The following NKAIN2 variants were observed in gnomAD, a reference collection of about 807,000 sequenced individuals.
The protein encoded by NKAIN2 is sodium/potassium-transporting ATPase subunit beta-1-interacting protein 2.
A neutral mutation model predicts 32.6 loss-of-function variants in NKAIN2; 14 were observed. The ratio of observed to expected loss-of-function variants is 0.43; its 90% confidence interval spans 0.28 to 0.67. The LOEUF is 0.67. NKAIN2 is among the 30% of genes least tolerant of loss of function. The probability of loss-of-function intolerance (pLI) is 0.17; values close to 1 mark genes in which losing one functional copy is unlikely to be tolerated. For synonymous variants in NKAIN2, 80 were observed against 87.2 expected, an observed-to-expected ratio of 0.92 and a Z score of 0.46; for missense variants, 198 against 258.3, an observed-to-expected ratio of 0.77 and a Z score of 1.60.
At position 124,228,831 on chromosome 6, in the gene NKAIN2, TGCAAA is replaced by T. The variant is rs976723016; in HGVS notation, c.55-54169_55-54165del. ...TTAAATGGTGCTTCAAAATTGTCAA[TGCAAA>T]GCAATGTATACCAGATATACTTTCA... is the stretch of plus-strand genomic sequence containing the variant. On this transcript the variant is annotated intron_variant, in intron 1 of 6. Coordinates refer to ENST00000368417, the MANE Select transcript of NKAIN2 (RefSeq NM_001040214.3). Among the ~76,000 whole-genome samples the T allele has an allele frequency of 8.5e-5, 13 of 152,314 alleles. No individual in the cohort carries two copies. The East Asian group carries it at 2.3e-3, about 27-fold the overall frequency.
At chr6:124,774,004 A>G (rs1293773784) in intron 4 of NKAIN2, among the ~76,000 whole-genome samples, 2 of 152,226 alleles carry the variant, frequency 1.3e-5, no homozygotes, top group African/African-American at 4.8e-5. Context: ...GAGACACATT[A>G]TGTCACATTT....
At chr6:124,429,887 CAAGATG>C (rs1775139644) in intron 3 of NKAIN2, among the ~76,000 whole-genome samples, 1 of 151,848 alleles carries the variant, frequency 6.6e-6, no homozygotes, top group African/African-American at 2.4e-5. Context: ...TAAAAAAGTG[CAAGATG>C]CTAGAAAGAA....
At chr6:124,013,158 T>C (rs1780413640) in intron 1 of NKAIN2, among the ~76,000 whole-genome samples, 1 of 152,224 alleles carries the variant, frequency 6.6e-6, no homozygotes, top group South Asian at 2.1e-4. Context: ...AATTTGCCCA[T>C]TTTAAATTGG....
intron 1 of NKAIN2, among the ~76,000 whole-genome samples, chr6:124,267,764 CTT>C (rs1427979434): frequency 3.9e-5 from 6 of 152,168 alleles, no homozygotes; most frequent in South Asian, 4.1e-4. Context: ...ATAAAATACT[CTT>C]GATATAGAAT....
chr6:123,849,948 G>A (rs1463900582), intron 1 of NKAIN2, among the ~76,000 whole-genome samples: 1 of 43,952 alleles, frequency 2.3e-5, no homozygotes, highest in Non-Finnish European at 6.7e-5. Context: ...AACTCAGGCT[G>A]GTTTTTTTTT....
At chr6:124,008,299 G>T (rs569501073) in intron 1 of NKAIN2, among the ~76,000 whole-genome samples, 2 of 152,050 alleles carry the variant, frequency 1.3e-5, no homozygotes, top group Admixed American at 6.6e-5. Flanking sequence ...TCCTAGCAAC[G>T]AAAGAGTAGA....
At chr6:123,908,436 A>G (rs1320863268) in intron 1 of NKAIN2, among the ~76,000 whole-genome samples, 2 of 152,176 alleles carry the variant, frequency 1.3e-5, no homozygotes, top group Admixed American at 6.5e-5. Context: ...TGCATATCCT[A>G]TTCTATTTTT....
At chr6:124,586,900 G>A (rs1360261671) in intron 3 of NKAIN2, among the ~76,000 whole-genome samples, 2 of 152,202 alleles carry the variant, frequency 1.3e-5, no homozygotes, top group Non-Finnish European at 2.9e-5. Flanking sequence ...TCTCTCAAGT[G>A]TATTATGCTG....
At chr6:124,474,859 A>G (rs1049930853) in intron 3 of NKAIN2, among the ~76,000 whole-genome samples, 1 of 33,612 alleles carries the variant, frequency 3.0e-5, no homozygotes, top group African/African-American at 1.3e-4. Flanking sequence ...ATACATATAT[A>G]TTTTATATAC....
At chr6:124,082,623 A>G (rs1784025495) in intron 1 of NKAIN2, among the ~76,000 whole-genome samples, 1 of 152,006 alleles carries the variant, frequency 6.6e-6, no homozygotes, top group Non-Finnish European at 1.5e-5. Context: ...TTTGTTTATG[A>G]CACATGGCCA....
chr6:124,063,402 C>CTATGTTGT (rs910802590), intron 1 of NKAIN2, among the ~76,000 whole-genome samples: 1 of 151,956 alleles, frequency 6.6e-6, no homozygotes, highest in Non-Finnish European at 1.5e-5. Flanking sequence ...AATAATAGCT[C>CTATGTTGT]TATGTTGTTT....
intron 3 of NKAIN2, among the ~76,000 whole-genome samples, chr6:124,435,429 G>A (rs1302116247): frequency 3.9e-5 from 6 of 152,126 alleles, no homozygotes; most frequent in Admixed American, 3.9e-4. Flanking sequence ...AATGTTAAAT[G>A]TGTGTTTTTT....
At chr6:124,713,412 C>T (rs1775597960) in intron 4 of NKAIN2, among the ~76,000 whole-genome samples, 1 of 152,118 alleles carries the variant, frequency 6.6e-6, no homozygotes, top group Non-Finnish European at 1.5e-5. Context: ...GAAGATAAAG[C>T]TTCAGAGATT....
chr6:124,232,153 C>T (rs556575297), intron 1 of NKAIN2, among the ~76,000 whole-genome samples: 43 of 152,252 alleles, frequency 2.8e-4, no homozygotes, highest in African/African-American at 7.9e-4. Flanking sequence ...ATGCCAACCA[C>T]GGGGATTCTA....
intron 1 of NKAIN2, among the ~76,000 whole-genome samples, chr6:124,084,021 G>A (rs530491043): frequency 1.2e-4 from 19 of 152,104 alleles, no homozygotes; most frequent in Non-Finnish European, 2.6e-4. Flanking sequence ...AGAAGGTAGA[G>A]ACTTGCTAGC....
chr6:123,903,934 C>G (rs1459236947), intron 1 of NKAIN2, among the ~76,000 whole-genome samples: 1 of 138,364 alleles, frequency 7.2e-6, no homozygotes, highest in Non-Finnish European at 1.6e-5. Context: ...CTAAAGAAAA[C>G]AAGAAATGAT....
chr6:124,307,748 T>C (rs1287734789), intron 2 of NKAIN2, among the ~76,000 whole-genome samples: 1 of 152,162 alleles, frequency 6.6e-6, no homozygotes, highest in Non-Finnish European at 1.5e-5. Context: ...TGTTGTACTT[T>C]TAAAAAATGA....
intron 1 of NKAIN2, among the ~76,000 whole-genome samples, chr6:124,090,381 G>A (rs143800231): frequency 1.6e-3 from 249 of 152,048 alleles, no homozygotes; most frequent in African/African-American, 5.6e-3. Flanking sequence ...GTGGGTTGGC[G>A]GTGGGGAGTA....
At chr6:123,958,069 C>T (rs575375752) in intron 1 of NKAIN2, among the ~76,000 whole-genome samples, 11 of 152,054 alleles carry the variant, frequency 7.2e-5, no homozygotes, top group Non-Finnish European at 1.6e-4. Context: ...TTCTGTTAAT[C>T]ATATCTATTG....
Sources: gnomAD v4.1 joint callset for allele counts (sites outside exome capture counted in the v4.1 genomes callset) on GRCh38, gnomAD v4.1.1 for gene constraint, MANE v1.5 for transcripts, NCBI Gene and HGNC (gene_info 2026-07-23, HGNC 2026-07-21) for gene names.